Variants in B4GALT5 observed in about 807,000 individuals in gnomAD.
B4GALT5 encodes UDP-Gal:beta-GlcNAc beta-1,4-galactosyltransferase 5.
Under a neutral mutation model 45.0 loss-of-function variants are expected in B4GALT5, and 11 were observed. That is an observed-to-expected ratio of 0.24 (90% CI 0.15 to 0.40). The LOEUF (loss-of-function observed/expected upper bound fraction) is 0.40. B4GALT5 is among the 10% of genes least tolerant of loss of function. The pLI is 1.00. For synonymous variants in B4GALT5, 185 were observed against 182.9 expected (o/e 1.01, Z -0.09); for missense variants, 337 against 500.2 (o/e 0.67, Z 3.11).
In B4GALT5 at chr20:49,633,783, C is replaced by T. The variant is rs1338299322; in HGVS notation, c.*2529G>A. ...AACACTGCCGCATACACATACGGCA[C>T]CCAGGACTCAGAATCAGTCTGTCCT... On this transcript the variant is annotated 3_prime_UTR_variant, in exon 9 of 9. Transcript: ENST00000371711. The T allele has an allele frequency of 6.6e-6, 1 of 152,520 alleles. No homozygotes were observed. Among genetic ancestry groups the T allele is most frequent in the Non-Finnish European group, 1.5e-5 (1 of 68,044 alleles). 9.4% of individuals were successfully genotyped at this position (152,520 alleles called of 1,614,324 possible). A position where few individuals can be genotyped will look rare whatever the true frequency, so the allele number is the denominator to read the frequency against.
At chr20:49,664,469 C>T (rs1276615614) in intron 1 of B4GALT5, among the ~76,000 whole-genome samples, 2 of 147,528 alleles carry the variant, frequency 1.4e-5, no homozygotes, top group Non-Finnish European at 3.0e-5. Flanking sequence ...CACACACACA[C>T]ACTTTAGATT....
intron 1 of B4GALT5, among the ~76,000 whole-genome samples, chr20:49,703,312 G>A (rs1009636667): frequency 6.6e-6 from 1 of 152,000 alleles, no homozygotes; most frequent in Admixed American, 6.6e-5. Flanking sequence ...AATGTACAAA[G>A]TAGATTTGGA....
intron 6 of B4GALT5, among the ~76,000 whole-genome samples, chr20:49,640,250 C>A (rs542951399): frequency 6.6e-6 from 1 of 152,314 alleles, no homozygotes; most frequent in African/African-American, 2.4e-5. Flanking sequence ...ACCTTTGTGT[C>A]TGGCTTCTTT....
At chr20:49,702,315 A>T (rs2085865368) in intron 1 of B4GALT5, among the ~76,000 whole-genome samples, 1 of 152,232 alleles carries the variant, frequency 6.6e-6, no homozygotes, top group Non-Finnish European at 1.5e-5. Context: ...TCACATCAGT[A>T]GCTTATAAAG....
intron 1 of B4GALT5, among the ~76,000 whole-genome samples, chr20:49,691,722 C>A (rs940504496): frequency 6.6e-6 from 1 of 152,026 alleles, no homozygotes; most frequent in Non-Finnish European, 1.5e-5. Context: ...AAAAAAAGAT[C>A]CAGAAGAAAA....
chr20:49,713,507 G>A, intron 1 of B4GALT5, 69 bp downstream of exon 1: 2 of 1,486,456 alleles, frequency 1.3e-6, no homozygotes, highest in South Asian at 1.2e-5. Context: ...CCCTTAGGGA[G>A]GGGCGGGGAT....
intron 1 of B4GALT5, among the ~76,000 whole-genome samples, chr20:49,696,426 A>G (rs529676798): frequency 6.6e-6 from 1 of 152,336 alleles, no homozygotes; most frequent in East Asian, 1.9e-4. Flanking sequence ...TTTCCCATGA[A>G]GTTTTCCACA....
intron 1 of B4GALT5, among the ~76,000 whole-genome samples, chr20:49,679,256 T>G (rs2085754107): frequency 6.6e-6 from 1 of 152,184 alleles, no homozygotes; most frequent in Non-Finnish European, 1.5e-5. Flanking sequence ...TAAAAAGGGT[T>G]TTTTGCTGTT....
chr20:49,641,366 G>C (rs755067692), intron 5 of B4GALT5, among the ~76,000 whole-genome samples: 5 of 152,166 alleles, frequency 3.3e-5, no homozygotes, highest in Non-Finnish European at 5.9e-5. Context: ...TACAAAGAGT[G>C]GTTTTTAGTT....
chr20:49,658,454 A>T (rs2085652128), intron 1 of B4GALT5, among the ~76,000 whole-genome samples: 1 of 152,222 alleles, frequency 6.6e-6, no homozygotes, highest in Admixed American at 6.5e-5. Context: ...TCTTCCTTTC[A>T]TCCCAACATA....
intron 2 of B4GALT5, among the ~76,000 whole-genome samples, chr20:49,655,023 T>A (rs940278737): frequency 3.3e-5 from 5 of 151,990 alleles, no homozygotes; most frequent in African/African-American, 9.7e-5. Flanking sequence ...CCTAGCACTT[T>A]GGGAGGACGA....
chr20:49,677,481 A>G (rs982124163), intron 1 of B4GALT5, among the ~76,000 whole-genome samples: 6 of 152,208 alleles, frequency 3.9e-5, no homozygotes, highest in African/African-American at 4.8e-5. Flanking sequence ...TTCTCTGAGC[A>G]GAAATGCTAG....
intron 1 of B4GALT5, among the ~76,000 whole-genome samples, chr20:49,674,226 T>C (rs1451165353): frequency 2.3e-5 from 3 of 132,998 alleles, no homozygotes; most frequent in Non-Finnish European, 4.7e-5. Context: ...CAAGACTCCA[T>C]CTCAAAAAAA....
chr20:49,652,351 G>A (rs1320458338), intron 2 of B4GALT5, among the ~76,000 whole-genome samples: 1 of 141,664 alleles, frequency 7.1e-6, no homozygotes, highest in Admixed American at 7.2e-5. Flanking sequence ...TTTGAGAAAA[G>A]ACCAAACACT....
chr20:49,676,211 G>A (rs2085736680), intron 1 of B4GALT5, among the ~76,000 whole-genome samples: 1 of 152,146 alleles, frequency 6.6e-6, no homozygotes, highest in African/African-American at 2.4e-5. Flanking sequence ...GTGTGTGTGT[G>A]TGTGTTACAG....
chr20:49,654,915 T>C (rs2085635942), intron 2 of B4GALT5, among the ~76,000 whole-genome samples: 1 of 152,028 alleles, frequency 6.6e-6, no homozygotes, highest in Non-Finnish European at 1.5e-5. Flanking sequence ...AAGACCAGAC[T>C]GGGCAACATG....
chr20:49,683,813 T>C (rs1022266962), intron 1 of B4GALT5, among the ~76,000 whole-genome samples: 1 of 152,150 alleles, frequency 6.6e-6, no homozygotes, highest in African/African-American at 2.4e-5. Context: ...ATCTCATTTG[T>C]ATTGAATGAG....
Position 49,642,545 on chromosome 20 carries a change from G to A in B4GALT5, c.529C>T (p.Leu177Phe), listed in dbSNP as rs1449629020. The change falls in exon 5 of 9, where the codon CTC becomes TTC. Residue 177 changes from leucine to phenylalanine, a missense_variant. By Grantham distance (22) the Leu-to-Phe change is conservative. Around this residue, in one of 2 missense-constraint regions of B4GALT5, gnomAD observed 163 missense variants for 292.8 expected, o/e 0.56. Coordinates refer to ENST00000371711, the MANE Select transcript of B4GALT5 (RefSeq NM_004776.4). The stretch of plus-strand genomic sequence containing the variant: ...AGCAGGTGTCTGAACAGGACTGGGA[G>A]GTGCTCGTGGCGGTTCCGGAAGGGG... ...LIPFRNRHEHLPVLFRHLLPM... is the reference protein window; with the variant it reads ...LIPFRNRHEHFPVLFRHLLPM... 1.2e-6 allele frequency: 2 copies of A among 1,613,996 alleles called. No homozygotes were observed. The highest frequency in any genetic ancestry group is 1.7e-5 in the Admixed American group (1 of 59,974).
chr20:49,643,479 A>G, intron 4 of B4GALT5, 47 bp downstream of exon 4: 3 of 1,604,584 alleles, frequency 1.9e-6, no homozygotes, highest in Non-Finnish European at 2.6e-6. Context: ...CCAAAGGCAA[A>G]CCCCAGGTGG....
Sources: gnomAD v4.1 joint callset for allele counts (sites outside exome capture counted in the v4.1 genomes callset) on GRCh38, gnomAD v4.1.1 for gene constraint, gnomAD v4.1.1 regional missense constraint, MANE v1.5 for transcripts, NCBI Gene and HGNC (gene_info 2026-07-23, HGNC 2026-07-21) for gene names.